The following GEN1 variants were observed in gnomAD, a reference collection of about 807,000 sequenced individuals.
The protein encoded by GEN1 is flap endonuclease GEN homolog 1.
A neutral mutation model predicts 67.6 loss-of-function variants in GEN1; 64 were observed. The observed-to-expected ratio is 0.95, with a 90% CI of 0.77 to 1.17. GEN1 has a LOEUF of 1.17. GEN1 is among the 50% of genes most tolerant of loss of function. GEN1 has a pLI of 0.00. For missense variants in GEN1, 1,058 were observed against 1,048.3 expected, an observed-to-expected ratio of 1.01 and a Z score of -0.13; for synonymous variants, 371 against 359.4, an observed-to-expected ratio of 1.03 and a Z score of -0.37.
intron 5 of GEN1, among the ~76,000 whole-genome samples, chr2:17,768,031 A>T (rs924648335): frequency 1.3e-5 from 2 of 152,198 alleles, no homozygotes; most frequent in South Asian, 4.1e-4. Flanking sequence ...TAGATGGGAC[A>T]TTCCTGTGCA....
rs562099715 is a variant in GEN1 at position 17,765,556 on chromosome 2, G to A, written c.525+483G>A. Among the ~76,000 whole-genome samples the A allele has an allele frequency of 2.6e-5, 4 of 152,296 alleles. No individual in the cohort carries two copies. In the East Asian group the frequency reaches 7.7e-4, roughly 29 times the overall value. ...AGAGATACTGCTGGGAGACATTTTGGTTGCAACAGTTCAGGCTTGGGCAAA... is the reference window on the plus strand; with the variant it reads ...AGAGATACTGCTGGGAGACATTTTGATTGCAACAGTTCAGGCTTGGGCAAA... On this transcript the variant is annotated intron_variant, in intron 4 of 13. Transcript: ENST00000381254.
chr2:17,778,170 A>ATG lies in GEN1; in HGVS notation c.1264+111_1264+112dup, dbSNP rs1168968537. 6.3e-4 allele frequency: 298 copies of ATG among 476,426 alleles called. 7 individuals are homozygous for ATG. The highest frequency in any genetic ancestry group is 1.3e-3 in the South Asian group (60 of 44,524). The allele number at this position is 476,426 out of a possible 1,614,324, so 29.5% of individuals were successfully genotyped here. A position where few individuals can be genotyped will look rare whatever the true frequency, so the allele number is the denominator to read the frequency against. Reference sequence around the variant, plus strand: ...TATATATATACACACACACATAGATATGTGTATATATATATATACACACAC... The same window carrying ATG: ...TATATATATACACACACACATAGATATGTGTGTATATATATATATACACACAC... On this transcript the variant is annotated intron_variant, in intron 12 of 13. Coordinates refer to ENST00000381254, the MANE Select transcript of GEN1 (RefSeq NM_001130009.3).
At chr2:17,772,258 A>G (rs527772319) in intron 7 of GEN1, among the ~76,000 whole-genome samples, 1 of 152,098 alleles carries the variant, frequency 6.6e-6, no homozygotes. Flanking sequence ...GAGCTATTCT[A>G]TTAAGTAAAT....
At chr2:17,766,557 A>G in intron 4 of GEN1, 22 bp from the exon 5 acceptor site, 1 of 1,268,612 alleles carries the variant, frequency 7.9e-7, no homozygotes, top group South Asian at 1.3e-5. Flanking sequence ...TGAGGATTAA[A>G]CTAAATCTGT....
In GEN1 at chr2:17,781,571, C is replaced by T. The variant is rs377259898; in HGVS notation, c.2359C>T (p.Arg787Trp). The T allele has an allele frequency of 7.4e-6, 12 of 1,613,766 alleles. No homozygotes were observed. The African/African-American group carries it at 1.1e-4, about 14-fold the overall frequency. Residue 787 changes from arginine to tryptophan, a missense_variant, in exon 14 of 14, where the codon CGG (arginine) becomes TGG (tryptophan). Transcript: ENST00000381254. ...TAGAAAAGTTGATATGCAAACCACT[C>T]GGAAAATTTTAATGAAGAAGAGTGT... is the stretch of plus-strand genomic sequence containing the variant. ...HSRKVDMQTT[R>W]KILMKKSVCL...
chr2:17,764,228 T>C (rs957325370), intron 3 of GEN1, among the ~76,000 whole-genome samples: 3 of 152,120 alleles, frequency 2.0e-5, no homozygotes, highest in Admixed American at 6.5e-5. Context: ...ATACGAGAGT[T>C]TCATTGTACA....
chr2:17,772,296 A>G (rs972126008), intron 7 of GEN1, among the ~76,000 whole-genome samples: 3 of 152,090 alleles, frequency 2.0e-5, no homozygotes, highest in African/African-American at 7.2e-5. Flanking sequence ...ATTACATCCT[A>G]CTTTTTATGC....
In GEN1 at chr2:17,774,401, G is replaced by T; in HGVS notation, c.1202G>T (p.Arg401Leu). The change falls in exon 11 of 14, where the codon CGA (arginine) becomes CTA (leucine). Residue 401 changes from arginine to leucine, a missense_variant and splice_region_variant. Transcript: ENST00000381254. ...AACTCTAATCAACTACAGCCAATTC[G>T]GTAATGTAAAGAACTGTATGGTGAA... ...SRNSNQLQPI[R>L]IVKTRIRNGV... The T allele has an allele frequency of 1.3e-6, 2 of 1,597,376 alleles. No individual in the cohort carries two copies. Among genetic ancestry groups the T allele is most frequent in the Non-Finnish European group, 1.7e-6 (2 of 1,171,854 alleles).
At position 17,779,709 on chromosome 2, in the gene GEN1, C is replaced by G. The variant is rs113920799; in HGVS notation, c.1265-269C>G. Among the ~76,000 whole-genome samples the G allele has an allele frequency of 8.7e-3, 1,324 of 151,966 alleles. 29 individuals carry two copies. The highest frequency in any genetic ancestry group is 0.03 in the African/African-American group (1,256 of 41,448). Reference sequence around the variant, plus strand: ...CTCTACCTCCCAGGTTCAAGTGATTCTTCTGCCTCAGCCTCCTGAGTAGCT... The same window carrying G: ...CTCTACCTCCCAGGTTCAAGTGATTGTTCTGCCTCAGCCTCCTGAGTAGCT... On this transcript the variant is annotated intron_variant, in intron 12 of 13. Coordinates refer to ENST00000381254, the MANE Select transcript of GEN1 (RefSeq NM_001130009.3).
At chr2:17,778,777 CTTT>C (rs57128792) in intron 12 of GEN1, among the ~76,000 whole-genome samples, 1 of 146,064 alleles carries the variant, frequency 6.8e-6, no homozygotes, top group Non-Finnish European at 1.5e-5. Flanking sequence ...ACTTCCTTTC[CTTT>C]TTTTTTTTAA....
intron 12 of GEN1, among the ~76,000 whole-genome samples, 158 bp downstream of exon 12, chr2:17,778,221 C>T (rs1389523866): frequency 6.0e-5 from 7 of 117,468 alleles, no homozygotes; most frequent in African/African-American, 1.1e-4. Flanking sequence ...TATATGTATA[C>T]ACACACATAT....
chr2:17,780,165 T>C, intron 13 of GEN1, 44 bp downstream of exon 13: 1 of 1,504,600 alleles, frequency 6.6e-7, no homozygotes, highest in East Asian at 2.3e-5. Context: ...ATGCAAATGT[T>C]ATAGAAGAGC....
chr2:17,779,153 C>A (rs915625103), intron 12 of GEN1, among the ~76,000 whole-genome samples: 2 of 152,120 alleles, frequency 1.3e-5, no homozygotes, highest in South Asian at 2.1e-4. Context: ...GAACCCCTGA[C>A]CTCAGGTGTT....
chr2:17,765,269 AACTTG>A (rs1470202245), intron 4 of GEN1, 196 bp downstream of exon 4: 10 of 517,608 alleles, frequency 1.9e-5, no homozygotes, highest in African/African-American at 1.4e-4. Context: ...ATCTCATAAG[AACTTG>A]ACTTGTTTGT....
At position 17,778,153 on chromosome 2, in the gene GEN1, T is replaced by TATAC. The variant is rs1553330989; in HGVS notation, c.1264+91_1264+92insTACA. The TATAC allele has an allele frequency of 3.6e-3, 1,718 of 473,492 alleles. 30 individuals carry two copies. The highest frequency in any genetic ancestry group is 0.031 in the African/African-American group (1,426 of 46,694). 29.3% of individuals were successfully genotyped at this position (473,492 alleles called of 1,614,324 possible). A position where few individuals can be genotyped will look rare whatever the true frequency, so the allele number is the denominator to read the frequency against. On this transcript the variant is annotated intron_variant, in intron 12 of 13. Transcript: ENST00000381254. ...TTGTATATGTGTATATATATATATATACACACACACATAGATATGTGTATA... is the reference window on the plus strand; with the variant it reads ...TTGTATATGTGTATATATATATATATATACACACACACACATAGATATGTGTATA...
intron 11 of GEN1, among the ~76,000 whole-genome samples, chr2:17,777,470 G>A (rs1672489245): frequency 6.6e-6 from 1 of 152,052 alleles, no homozygotes; most frequent in African/African-American, 2.4e-5. Flanking sequence ...ACAGGCAGAA[G>A]GAAGATGGAA....
In GEN1 at chr2:17,780,063, T is replaced by C. The variant is rs1323163498; in HGVS notation, c.1350T>C (p.Pro450=). The C allele has an allele frequency of 1.2e-6, 2 of 1,610,820 alleles. No individual in the cohort carries two copies. Among genetic ancestry groups the C allele is most frequent in the South Asian group, 2.2e-5 (2 of 90,888 alleles). The change falls in exon 13 of 14, where the codon CCT becomes CCC. Residue 450 remains proline, a synonymous_variant. Transcript: ENST00000381254. ...AATCATTGTTTGAAGCAGCATATCCTGAGATCGTTGCTGTTTACCAAAAAC... is the reference window on the plus strand; with the variant it reads ...AATCATTGTTTGAAGCAGCATATCCCGAGATCGTTGCTGTTTACCAAAAAC... ...EEESLFEAAY[P]EIVAVYQKQK...
chr2:17,761,555 A>C lies in GEN1; in HGVS notation c.321A>C (p.Arg107Ser). The C allele has an allele frequency of 6.2e-7, 1 of 1,610,428 alleles. No homozygotes were observed. The highest frequency in any genetic ancestry group is 1.3e-5 in the African/African-American group (1 of 74,778). Residue 107 changes from arginine (R) to serine (S), a missense_variant, in exon 3 of 14, where the codon AGA (arginine) becomes AGC (serine). Coordinates refer to ENST00000381254, the MANE Select transcript of GEN1 (RefSeq NM_001130009.3). The stretch of plus-strand genomic sequence containing the variant: ...AATCGTGGTCTCAGAAAACAGGGAG[A>C]TCACATTTTAAATCAGTCTTAAGAG... ...SGKSWSQKTG[R>S]SHFKSVLREC...
Position 17,788,248 on chromosome 2 carries a change from C to T in GEN1, c.*6309C>T, listed in dbSNP as rs1673119116. The T allele has an allele frequency of 6.6e-6, 1 of 152,226 alleles. No individual in the cohort carries two copies. The highest frequency in any genetic ancestry group is 1.5e-5 in the Non-Finnish European group (1 of 68,038). 9.4% of individuals were successfully genotyped at this position (152,226 alleles called of 1,614,324 possible). A position where few individuals can be genotyped will look rare whatever the true frequency, so the allele number is the denominator to read the frequency against. On this transcript the variant is annotated 3_prime_UTR_variant, in exon 14 of 14. Transcript: ENST00000381254. ...TTATCACCTTCTTAACCAAGCAAAG[C>T]TTTTATCAGGCTCAGCTAACAGCTT... is the stretch of plus-strand genomic sequence containing the variant.
Sources: gnomAD v4.1 joint callset for allele counts (sites outside exome capture counted in the v4.1 genomes callset) on GRCh38, gnomAD v4.1.1 for gene constraint, MANE v1.5 for transcripts, NCBI Gene and HGNC (gene_info 2026-07-23, HGNC 2026-07-21) for gene names.